The following RBM20 variants were observed in gnomAD, a reference collection of about 807,000 sequenced individuals.
RBM20 encodes the protein RNA-binding protein 20.
Under a neutral mutation model 110.1 loss-of-function variants are expected in RBM20, and 51 were observed. The ratio of observed to expected loss-of-function variants is 0.46; its 90% CI spans 0.37 to 0.59. The LOEUF is 0.59. Ranked by LOEUF, RBM20 falls within the 20% of genes least tolerant of loss-of-function variation. The probability of loss-of-function intolerance (pLI) is 0.00; values close to 1 mark genes in which losing one functional copy is unlikely to be tolerated. For missense variants in RBM20, 1,512 were observed against 1,574.9 expected (o/e 0.96, Z 0.68); for synonymous variants, 589 against 618.2 (o/e 0.95, Z 0.70).
At chr10:110,833,681 T>C (rs1466920346) in intron 13 of RBM20, among the ~76,000 whole-genome samples, 2 of 152,252 alleles carry the variant, frequency 1.3e-5, no homozygotes, top group Non-Finnish European at 2.9e-5. Context: ...CACTGTGTTC[T>C]GAGCCTCTGG....
upstream of RBM20, chr10:110,644,326 T>TCTCCTCCCCGCGC (rs1861832651): frequency 3.1e-6 from 2 of 644,100 alleles, no homozygotes. This position sits in a 1 kb window ranked among gnomAD's most constrained non-coding sequence, Gnocchi z 4.3. Flanking sequence ...GCCCCTCGCG[T>TCTCCTCCCCGCGC]CTCCTCCCCG....
At chr10:110,722,179 C>G (rs903810621) in intron 1 of RBM20, among the ~76,000 whole-genome samples, 2 of 152,090 alleles carry the variant, frequency 1.3e-5, no homozygotes, top group African/African-American at 4.8e-5. Context: ...GGTTGTCAGG[C>G]AAGATGATTT....
chr10:110,675,334 A>T (rs1183989507), intron 1 of RBM20, among the ~76,000 whole-genome samples: 1 of 152,216 alleles, frequency 6.6e-6, no homozygotes, highest in Non-Finnish European at 1.5e-5. Flanking sequence ...TCCAAAGTTA[A>T]GAAGCGAGGC....
chr10:110,834,805 GC>G (rs992237375), intron 13 of RBM20, among the ~76,000 whole-genome samples: 1 of 152,098 alleles, frequency 6.6e-6, no homozygotes, highest in Admixed American at 6.5e-5. Flanking sequence ...TTTCCTTGCT[GC>G]CCTGTCAGAG....
intron 1 of RBM20, among the ~76,000 whole-genome samples, chr10:110,766,770 C>T (rs879285951): frequency 1.3e-5 from 2 of 151,626 alleles, no homozygotes; most frequent in Non-Finnish European, 3.0e-5. Flanking sequence ...AATCTTTTCC[C>T]CGCCTTTCCC....
In RBM20 at chr10:110,836,206, C is replaced by A; in HGVS notation, c.*228C>A. 2.8e-6 allele frequency: 1 copy of A among 352,398 alleles called. No homozygotes were observed. The highest frequency in any genetic ancestry group is 5.1e-6 in the Non-Finnish European group (1 of 196,812). The allele number at this position is 352,398 out of a possible 1,614,324, so 21.8% of individuals were successfully genotyped here. On this transcript the variant is annotated 3_prime_UTR_variant, in exon 14 of 14. Coordinates refer to ENST00000369519, the MANE Select transcript of RBM20 (RefSeq NM_001134363.3). ...GCCCACTGAGGGTCACCAACTCTCT[C>A]CCTGCTGACTCTTGTTTCTCTCAAT...
intron 1 of RBM20, among the ~76,000 whole-genome samples, chr10:110,726,760 A>G (rs1407250309): frequency 6.6e-6 from 1 of 152,210 alleles, no homozygotes. Flanking sequence ...TTATAATCAA[A>G]GTTATGGTTT....
intron 1 of RBM20, among the ~76,000 whole-genome samples, chr10:110,671,106 A>G (rs1361781485): frequency 6.6e-6 from 1 of 152,202 alleles, no homozygotes; most frequent in East Asian, 1.9e-4. Flanking sequence ...AAACGTCTCC[A>G]ATCAGGAAAC....
chr10:110,659,729 TCTTTC>T (rs1862074054), intron 1 of RBM20, among the ~76,000 whole-genome samples: 1 of 152,118 alleles, frequency 6.6e-6, no homozygotes, highest in South Asian at 2.1e-4. Flanking sequence ...TCTTTTCTTT[TCTTTC>T]CTTTCCTCTT....
chr10:110,816,067 G>T (rs111707856), intron 9 of RBM20, among the ~76,000 whole-genome samples: 10 of 152,300 alleles, frequency 6.6e-5, no homozygotes, highest in African/African-American at 2.4e-4. Context: ...CTGAACTTGG[G>T]AATGAAGGCA....
chr10:110,713,588 G>A (rs1265713589), intron 1 of RBM20, among the ~76,000 whole-genome samples: 2 of 152,106 alleles, frequency 1.3e-5, no homozygotes, highest in Admixed American at 6.6e-5. Flanking sequence ...CATTGCTGAG[G>A]AATTTTTTAT....
At chr10:110,688,203 A>AG (rs2134871599) in intron 1 of RBM20, among the ~76,000 whole-genome samples, 1 of 152,336 alleles carries the variant, frequency 6.6e-6, no homozygotes, top group African/African-American at 2.4e-5. Context: ...AGCTCTGAAA[A>AG]CAGAGAGGTT....
chr10:110,788,596 A>G (rs1415438456), intron 5 of RBM20, among the ~76,000 whole-genome samples: 1 of 152,220 alleles, frequency 6.6e-6, no homozygotes, highest in African/African-American at 2.4e-5. Context: ...CCGGTTTGCC[A>G]TTGCCAGCAT....
At chr10:110,829,918 C>A (rs60871091) in intron 12 of RBM20, among the ~76,000 whole-genome samples, 1 of 152,210 alleles carries the variant, frequency 6.6e-6, no homozygotes, top group African/African-American at 2.4e-5. Context: ...AGGCTTGCCC[C>A]GCAGCCTGCA....
chr10:110,810,233 A>G (rs941475120), intron 7 of RBM20, 150 bp from the exon 8 acceptor site: 79 of 628,018 alleles, frequency 1.3e-4, no homozygotes, highest in African/African-American at 1.1e-3. Context: ...ACTCACACTC[A>G]TCCGTTGGAT....
At chr10:110,675,440 C>T (rs1028088882) in intron 1 of RBM20, among the ~76,000 whole-genome samples, 1 of 152,168 alleles carries the variant, frequency 6.6e-6, no homozygotes, top group Admixed American at 6.5e-5. Flanking sequence ...GAGGACTTTA[C>T]ATGTAGTATC....
At chr10:110,814,903 T>C (rs1458637995) in intron 9 of RBM20, among the ~76,000 whole-genome samples, 1 of 152,238 alleles carries the variant, frequency 6.6e-6, no homozygotes, top group Admixed American at 6.5e-5. Context: ...TTAGGGATAA[T>C]GTTTTTAAAG....
At chr10:110,781,999 T>A in intron 2 of RBM20, 115 bp downstream of exon 2, 1 of 1,321,678 alleles carries the variant, frequency 7.6e-7, no homozygotes, top group Non-Finnish European at 1.1e-6. Flanking sequence ...GTAACAGAAT[T>A]TTGCCATCAG....
chr10:110,648,563 A>G (rs377047745), intron 1 of RBM20, among the ~76,000 whole-genome samples: 1 of 152,228 alleles, frequency 6.6e-6, no homozygotes, highest in Non-Finnish European at 1.5e-5. Context: ...GCCAGTTAAC[A>G]TCAGTTTGAG....
Sources: allele counts gnomAD v4.1 joint callset (sites outside exome capture counted in the v4.1 genomes callset), GRCh38; gene constraint gnomAD v4.1.1; non-coding constraint Gnocchi (gnomAD v3.1); transcripts MANE v1.5; gene names NCBI Gene and HGNC (gene_info 2026-07-23, HGNC 2026-07-21).